ABCA4: variants seen among roughly 807,000 people sequenced by gnomAD.
ABCA4 encodes the protein ATP binding cassette subfamily A member 4.
ABCA4 carries 196 observed loss-of-function variants against 263.7 expected under a neutral mutation model. The observed-to-expected ratio is 0.74, with a 90% CI of 0.66 to 0.84. ABCA4 has a LOEUF of 0.84. ABCA4 is among the 40% of genes least tolerant of loss of function. The probability of loss-of-function intolerance (pLI) is 0.00; values close to 1 mark genes in which losing one functional copy is unlikely to be tolerated. For missense variants in ABCA4, 2,792 were observed against 2,855.1 expected (o/e 0.98, Z 0.50); for synonymous variants, 1,133 against 1,094.2 (o/e 1.04, Z -0.70).
intron 6 of ABCA4, among the ~76,000 whole-genome samples, chr1:94,087,337 T>C (rs1661858694): frequency 6.6e-6 from 1 of 152,182 alleles, no homozygotes; most frequent in African/African-American, 2.4e-5. Flanking sequence ...TGCCTAGCAC[T>C]GAGTGACTAG....
chr1:93,995,784 A>C (rs1410885838), intron 49 of ABCA4, among the ~76,000 whole-genome samples: 2 of 152,188 alleles, frequency 1.3e-5, no homozygotes, highest in African/African-American at 4.8e-5. Flanking sequence ...CTTATTCCCC[A>C]AATCCAAGCT....
Position 94,108,963 on chromosome 1 carries a change from G to A in ABCA4, c.303-247C>T, listed in dbSNP as rs185135318. ...AATTTTTTATATTTTTAGTAGAGACGGGGCTTCATCGTGTTAGCCAGGATG... is the reference window on the plus strand; with the variant it reads ...AATTTTTTATATTTTTAGTAGAGACAGGGCTTCATCGTGTTAGCCAGGATG... On this transcript the variant is annotated intron_variant, in intron 3 of 49. Transcript: ENST00000370225. 4.9e-3 allele frequency among the ~76,000 whole-genome samples: 752 copies of A among 151,926 alleles called. 6 individuals are homozygous for A. Among genetic ancestry groups the A allele is most frequent in the African/African-American group, 0.017 (718 of 41,426 alleles).
intron 17 of ABCA4, among the ~76,000 whole-genome samples, chr1:94,051,055 C>T (rs1031132965): frequency 3.3e-5 from 5 of 152,192 alleles, no homozygotes; most frequent in African/African-American, 9.7e-5. Flanking sequence ...AGTAAAGGTG[C>T]CTTTTACCTA....
rs759344504 is a variant in ABCA4, at chr1:94,060,771, G to A, written c.1938-12C>T. The A allele has an allele frequency of 6.9e-6, 11 of 1,593,478 alleles. No individual in the cohort carries two copies. The highest frequency in any genetic ancestry group is 9.4e-6 in the Non-Finnish European group (11 of 1,165,454). ...GGATGATCATGAAACTAAAGCAAAA[G>A]GAGAGAAGCAGAATAGTAGAGTGCT... On this transcript the variant is annotated splice_polypyrimidine_tract_variant and intron_variant, in intron 13 of 49. Coordinates refer to ENST00000370225, the MANE Select transcript of ABCA4 (RefSeq NM_000350.3).
rs780421768 is a variant in ABCA4, at chr1:94,048,896, C to T, written c.2715G>A (p.Glu905=). The change falls in exon 18 of 50, where the codon GAG becomes GAA. Residue 905 remains glutamate (E), a synonymous_variant. Transcript: ENST00000370225. ...EKTEPLTEET[E]DPEHPEGIHD... ...GTATTCCTTCTGGGTGCTCTGGATC[C>T]TCCGTTTCCTCTGTTAGGGGCTCGG... 4 of 1,613,998 alleles carry T rather than the reference C, an allele frequency of 2.5e-6. No individual in the cohort carries two copies. The highest frequency in any genetic ancestry group is 3.4e-6 in the Non-Finnish European group (4 of 1,180,034).
intron 38 of ABCA4, among the ~76,000 whole-genome samples, chr1:94,014,041 C>T (rs1257182222): frequency 6.6e-6 from 1 of 152,166 alleles, no homozygotes; most frequent in Non-Finnish European, 1.5e-5. Flanking sequence ...TAAAACCCAA[C>T]ACCCAAAGTC....
rs55732384 is a variant in ABCA4, at chr1:94,111,561, G to A, written c.179C>T (p.Ala60Val). The A allele has an allele frequency of 4.3e-6, 7 of 1,614,120 alleles. No individual in the cohort carries two copies. The highest frequency in any genetic ancestry group is 2.7e-5 in the African/African-American group (2 of 74,948). ...CGGCAGCATTCCTGCTGAGGGCATC[G>A]CCTTGTTGGGGAAATGGCCTTTAAA... Reference protein sequence around the residue: ...SHHECHFPNKAMPSAGMLPWL... With the variant: ...SHHECHFPNKVMPSAGMLPWL... Residue 60 changes from alanine to valine, a missense_variant, in exon 3 of 50, where the codon GCG (alanine) becomes GTG (valine). Physicochemically the swap from Ala to Val is moderately conservative, Grantham distance 64 (BLOSUM62 0). Coordinates refer to ENST00000370225, the MANE Select transcript of ABCA4 (RefSeq NM_000350.3).
chr1:94,004,124 T>C (rs1659303824), intron 44 of ABCA4, among the ~76,000 whole-genome samples: 2 of 152,206 alleles, frequency 1.3e-5, no homozygotes, highest in Non-Finnish European at 2.9e-5. Context: ...TGGGGTGTTT[T>C]TGCTTCTTGA....
chr1:94,064,453 G>C (rs569662769), intron 11 of ABCA4, among the ~76,000 whole-genome samples: 1 of 152,186 alleles, frequency 6.6e-6, no homozygotes, highest in African/African-American at 2.4e-5. Context: ...GGAATTAGCC[G>C]AGGAGAGGAA....
chr1:94,077,514 T>C (rs542012107), intron 11 of ABCA4, among the ~76,000 whole-genome samples, 176 bp downstream of exon 11: 86 of 152,338 alleles, frequency 5.6e-4, no homozygotes, highest in Middle Eastern at 3.4e-3. Flanking sequence ...AGATAAGTTT[T>C]AAGTATGGAT....
chr1:94,098,935 G>A lies in ABCA4; in HGVS notation c.627C>T (p.Leu209=). 1 of 1,613,250 alleles carries A rather than the reference G, an allele frequency of 6.2e-7. No individual in the cohort carries two copies. Residue 209 remains leucine (L), a synonymous_variant, in exon 6 of 50, where the codon CTC becomes CTT. Transcript: ENST00000370225. ...GGCTGAAGATGATGAAGCGCTCCAG[G>A]AGGGCCTCGCTGCAGGCGATGTCCT... ...ALKDIACSEA[L]LERFIIFSQR...
intron 19 of ABCA4, among the ~76,000 whole-genome samples, chr1:94,045,240 C>T (rs1285864084): frequency 1.3e-5 from 2 of 151,556 alleles, no homozygotes; most frequent in South Asian, 2.1e-4. Context: ...ATTAATTGAT[C>T]GAAGCCAGGC....
chr1:94,103,045 A>ACGGC lies in ABCA4; in HGVS notation c.539_540insGCCG (p.Leu181ProfsTer100), dbSNP rs1363287396. ...CTGGACGGACTTGAGAGTTGATCAG[A>ACGGC]AGGTAGACCACTGAGTCAGACAGGC... On this transcript the variant is annotated frameshift_variant, in exon 5 of 50. Coordinates refer to ENST00000370225, the MANE Select transcript of ABCA4 (RefSeq NM_000350.3). LOFTEE classifies it high-confidence loss of function. The ACGGC allele has an allele frequency of 6.2e-7, 1 of 1,614,244 alleles. No homozygotes were observed. Among genetic ancestry groups the ACGGC allele is most frequent in the Non-Finnish European group, 8.5e-7 (1 of 1,180,030 alleles).
intron 6 of ABCA4, among the ~76,000 whole-genome samples, chr1:94,097,786 G>T (rs911976847): frequency 1.3e-5 from 2 of 152,150 alleles, no homozygotes; most frequent in Non-Finnish European, 2.9e-5. Context: ...GTCTTGCTCT[G>T]TCACCCAGGC....
intron 4 of ABCA4, 92 bp downstream of exon 4, chr1:94,108,485 A>G: frequency 2.5e-6 from 4 of 1,586,734 alleles, no homozygotes; most frequent in Non-Finnish European, 3.5e-6. Context: ...CCGCTAGTAT[A>G]TTTTTCACCA....
intron 42 of ABCA4, among the ~76,000 whole-genome samples, 162 bp downstream of exon 42, chr1:94,008,073 T>G (rs1238784815): frequency 6.6e-6 from 1 of 152,264 alleles, no homozygotes; most frequent in Non-Finnish European, 1.5e-5. Context: ...ACCTATTTTC[T>G]TTTTACTTTT....
chr1:94,043,617 A>C lies in ABCA4; in HGVS notation c.3051-142T>G, dbSNP rs535616907. ...TGGTGGTGTTTATGATACAATACAA[A>C]AATAGCAGACCCTGCTTAAATATCT... On this transcript the variant is annotated intron_variant, in intron 20 of 49. Coordinates refer to ENST00000370225, the MANE Select transcript of ABCA4 (RefSeq NM_000350.3). 8.0e-4 allele frequency: 921 copies of C among 1,145,586 alleles called. 10 individuals carry two copies. In the Middle Eastern group the frequency reaches 0.012, roughly 16 times the overall value. The allele number at this position is 1,145,586 out of a possible 1,614,324, so 71.0% of individuals were successfully genotyped here. A position where few individuals can be genotyped will look rare whatever the true frequency, so the allele number is the denominator to read the frequency against.
chr1:93,998,549 G>T (rs1029151774), intron 47 of ABCA4, among the ~76,000 whole-genome samples: 1 of 151,984 alleles, frequency 6.6e-6, no homozygotes, highest in Non-Finnish European at 1.5e-5. Flanking sequence ...GGGATTAAAG[G>T]CCCATACCAT....
intron 6 of ABCA4, among the ~76,000 whole-genome samples, chr1:94,087,000 C>T (rs939094248): frequency 2.0e-5 from 3 of 152,158 alleles, no homozygotes; most frequent in African/African-American, 7.2e-5. Context: ...TTGCATGGTG[C>T]GGGCTCATTT....
Sources: gnomAD v4.1 joint callset for allele counts (sites outside exome capture counted in the v4.1 genomes callset) on GRCh38, gnomAD v4.1.1 for gene constraint, MANE v1.5 for transcripts, NCBI Gene and HGNC (gene_info 2026-07-23, HGNC 2026-07-21) for gene names.